Variants in SPATA6L observed in about 807,000 individuals in gnomAD.
SPATA6L encodes the protein spermatogenesis associated 6 like, also known as spermatogenesis associated 6-like protein.
SPATA6L carries 68 observed loss-of-function variants against 49.2 expected under a neutral mutation model. The ratio of observed to expected loss-of-function variants is 1.38; its 90% CI spans 1.14 to 1.69. The LOEUF is 1.69. Among genes scored for constraint, SPATA6L ranks in the 40% most tolerant of loss-of-function variants. The pLI is 0.00. For synonymous variants in SPATA6L, 198 were observed against 165.7 expected (o/e 1.19, Z -1.50); for missense variants, 668 against 464.3 (o/e 1.44, Z -4.03).
In SPATA6L at chr9:4,600,483, C is replaced by CAGAGGGAGAGAGAGAGAGAGAG. The variant is rs1822947965; in HGVS notation, c.*327_*328insCTCTCTCTCTCTCTCTCCCTCT. 2 of 19,440 alleles carry CAGAGGGAGAGAGAGAGAGAGAG rather than the reference C, an allele frequency of 1.0e-4. No homozygotes were observed. The highest frequency in any genetic ancestry group is 3.3e-4 in the Non-Finnish European group (2 of 6,024). The allele number at this position is 19,440 out of a possible 1,614,324, so 1.2% of individuals were successfully genotyped here. ...TTTGAGAGAGAGAGACAGAGAGAGCCAGAGAGAGCCAGAGAGAGAGAGAGG... is the reference window on the plus strand; with the variant it reads ...TTTGAGAGAGAGAGACAGAGAGAGCCAGAGGGAGAGAGAGAGAGAGAGAGAGAGAGCCAGAGAGAGAGAGAGG... On this transcript the variant is annotated 3_prime_UTR_variant, in exon 12 of 12. Transcript: ENST00000682582.
At chr9:4,618,245 T>G in intron 8 of SPATA6L, 135 bp from the exon 9 acceptor site, 1 of 645,840 alleles carries the variant, frequency 1.5e-6, no homozygotes, top group Non-Finnish European at 2.6e-6. Context: ...CTCCTGCAAA[T>G]AGAAGAGGAT....
At chr9:4,592,372 T>G (rs1320529835) in intron 13 of SPATA6L, among the ~76,000 whole-genome samples, 2 of 152,074 alleles carry the variant, frequency 1.3e-5, no homozygotes, top group African/African-American at 4.8e-5. Flanking sequence ...CAGCAGACGT[T>G]GGCATTGCAA....
At chr9:4,590,437 G>C (rs1450141539) in intron 13 of SPATA6L, among the ~76,000 whole-genome samples, 2 of 152,200 alleles carry the variant, frequency 1.3e-5, no homozygotes, top group South Asian at 2.1e-4. Context: ...GTGTGATTTG[G>C]AAGGTGTCTC....
In SPATA6L at chr9:4,662,448, G is replaced by T; in HGVS notation, c.40-412C>A. 1 of 1,545,712 alleles carries T rather than the reference G, an allele frequency of 6.5e-7. No homozygotes were observed. The highest frequency in any genetic ancestry group is 2.4e-5 in the East Asian group (1 of 41,638). ...CGCTTCGAGCAGCAGCAGCAGCCCC[G>T]GCAGCCCAGCCCATGGCGGCGGTGG... On this transcript the variant is annotated intron_variant, in intron 1 of 11. Transcript: ENST00000682582. The surrounding 1 kb of genome is among the most constrained non-coding windows in gnomAD (Gnocchi z 4.9).
intron 5 of SPATA6L, chr9:4,626,297 C>T: frequency 9.5e-7 from 1 of 1,051,406 alleles, no homozygotes; most frequent in Non-Finnish European, 1.2e-6. Context: ...ATATCAGCGG[C>T]AGCTGACCAG....
At chr9:4,610,673 A>G (rs370811970) in intron 9 of SPATA6L, among the ~76,000 whole-genome samples, 1 of 152,252 alleles carries the variant, frequency 6.6e-6, no homozygotes, top group Non-Finnish European at 1.5e-5. Context: ...ATTAAATGTT[A>G]GACCTAAAAC....
At chr9:4,591,226 G>A (rs988847964) in intron 13 of SPATA6L, among the ~76,000 whole-genome samples, 3 of 152,200 alleles carry the variant, frequency 2.0e-5, no homozygotes, top group African/African-American at 7.2e-5. Context: ...CTCAAGGCAT[G>A]TACATTTTAA....
intron 3 of SPATA6L, among the ~76,000 whole-genome samples, chr9:4,653,595 A>T (rs1212916413): frequency 6.6e-6 from 1 of 152,248 alleles, no homozygotes; most frequent in Non-Finnish European, 1.5e-5. Context: ...AATATTTGCA[A>T]ATCATCTATC....
At chr9:4,597,249 C>T (rs1822340767), downstream of SPATA6L, among the ~76,000 whole-genome samples, 1 of 151,256 alleles carries the variant, frequency 6.6e-6, no homozygotes, top group African/African-American at 2.4e-5. Flanking sequence ...GCCAGGAGTT[C>T]AAGACCAGCC....
intron 7 of SPATA6L, among the ~76,000 whole-genome samples, chr9:4,619,828 G>T (rs1187437056): frequency 1.3e-5 from 2 of 152,106 alleles, no homozygotes; most frequent in South Asian, 4.1e-4. Context: ...GTATGGCAAG[G>T]ATGACTAGGA....
chr9:4,639,466 C>T (rs1021895445), intron 3 of SPATA6L, among the ~76,000 whole-genome samples: 1 of 152,120 alleles, frequency 6.6e-6, no homozygotes, highest in African/African-American at 2.4e-5. Flanking sequence ...TAGACTGAAA[C>T]AGGGTTAGAC....
At chr9:4,647,296 A>G (rs301472) in intron 3 of SPATA6L, among the ~76,000 whole-genome samples, 4,381 of 152,276 alleles carry the variant, frequency 0.029, 220 homozygotes, top group African/African-American at 0.1. Flanking sequence ...TATACATAAA[A>G]TATAACTTTT....
intron 2 of SPATA6L, among the ~76,000 whole-genome samples, chr9:4,656,983 CAA>C (rs1838417105): frequency 6.6e-6 from 1 of 152,150 alleles, no homozygotes; most frequent in African/African-American, 2.4e-5. Flanking sequence ...AGAAGAGTCT[CAA>C]AAGTTTTAAG....
intron 3 of SPATA6L, among the ~76,000 whole-genome samples, chr9:4,648,625 G>A (rs1008229264): frequency 4.1e-4 from 62 of 151,886 alleles, no homozygotes; most frequent in Admixed American, 6.6e-4. Context: ...GCGTGAACCC[G>A]GGAGGCAGAG....
intron 11 of SPATA6L, among the ~76,000 whole-genome samples, chr9:4,601,377 T>TG (rs888928733): frequency 6.0e-5 from 9 of 151,144 alleles, no homozygotes; most frequent in Non-Finnish European, 1.0e-4. Context: ...GGTTTTTTTT[T>TG]TTGTTTGGTT....
At chr9:4,611,358 T>C (rs1485014767) in intron 9 of SPATA6L, among the ~76,000 whole-genome samples, 1 of 148,940 alleles carries the variant, frequency 6.7e-6, no homozygotes, top group Non-Finnish European at 1.5e-5. Context: ...CCTATGTTTA[T>C]TGCGGCACTA....
chr9:4,642,465 C>T (rs1330705485), intron 3 of SPATA6L, among the ~76,000 whole-genome samples: 1 of 152,188 alleles, frequency 6.6e-6, no homozygotes, highest in Non-Finnish European at 1.5e-5. Context: ...AGCACCTATT[C>T]TTAAATTCAC....
intron 4 of SPATA6L, among the ~76,000 whole-genome samples, chr9:4,629,879 G>A (rs1037911463): frequency 6.7e-6 from 1 of 149,054 alleles, no homozygotes; most frequent in East Asian, 2.0e-4. Context: ...TGATAAAACT[G>A]AAAAATGGGC....
Position 4,662,034 on chromosome 9 carries a change from A to G in SPATA6L, c.42T>C (p.Ile14=). The G allele has an allele frequency of 6.2e-7, 1 of 1,613,310 alleles. No homozygotes were observed. The highest frequency in any genetic ancestry group is 8.5e-7 in the Non-Finnish European group (1 of 1,179,736). ...EVVVELQIRA[I]SCPGVFLPGK... ...CAGGCAGGAACACTCCTGGGCAAGAAATCTTAAAAAGAAAGAAAACAACAA... is the reference window on the plus strand; with the variant it reads ...CAGGCAGGAACACTCCTGGGCAAGAGATCTTAAAAAGAAAGAAAACAACAA... Residue 14 remains isoleucine (I), a splice_region_variant and synonymous_variant, in exon 2 of 12, where the codon ATT becomes ATC. Transcript: ENST00000682582. This position sits in a 1 kb window ranked among gnomAD's most constrained non-coding sequence, Gnocchi z 4.9.
Sources: allele counts gnomAD v4.1 joint callset (sites outside exome capture counted in the v4.1 genomes callset), GRCh38; gene constraint gnomAD v4.1.1; non-coding constraint Gnocchi (gnomAD v3.1); transcripts MANE v1.5; gene names NCBI Gene and HGNC (gene_info 2026-07-23, HGNC 2026-07-21).